Variants in SRPK2 observed in about 807,000 individuals in gnomAD.
SRPK2 encodes SFRS protein kinase 2.
SRPK2 carries 21 observed loss-of-function variants against 90.8 expected under a neutral mutation model. The ratio of observed to expected loss-of-function variants is 0.23; its 90% CI spans 0.16 to 0.33. SRPK2 has a LOEUF of 0.33. Ranked by LOEUF, SRPK2 falls within the 10% of genes least tolerant of loss-of-function variation. The probability of loss-of-function intolerance (pLI) is 1.00; values close to 1 mark genes in which losing one functional copy is unlikely to be tolerated. For missense variants in SRPK2, 620 were observed against 869.0 expected (o/e 0.71, Z 3.60); for synonymous variants, 288 against 311.1 (o/e 0.93, Z 0.78).
chr7:105,373,266 G>GATTTTTCTC (rs1819900327), intron 2 of SRPK2, among the ~76,000 whole-genome samples: 1 of 151,852 alleles, frequency 6.6e-6, no homozygotes, highest in Non-Finnish European at 1.5e-5. Context: ...AATGATATCT[G>GATTTTTCTC]AAGGCCATCA....
At chr7:105,192,535 C>T (rs763613605) in intron 3 of SRPK2, among the ~76,000 whole-genome samples, 3 of 152,230 alleles carry the variant, frequency 2.0e-5, no homozygotes, top group South Asian at 4.1e-4. Flanking sequence ...TTTTATATAA[C>T]GACTTATTTT....
chr7:105,140,012 A>G (rs928853097), intron 11 of SRPK2, among the ~76,000 whole-genome samples: 6 of 152,294 alleles, frequency 3.9e-5, no homozygotes, highest in Admixed American at 2.0e-4. Flanking sequence ...TAACCTACAT[A>G]TATCTTCCTA....
chr7:105,284,228 A>G (rs1246873249), intron 2 of SRPK2, among the ~76,000 whole-genome samples: 1 of 152,212 alleles, frequency 6.6e-6, no homozygotes, highest in Admixed American at 6.5e-5. Flanking sequence ...AGTGGTCATC[A>G]AGGTCATTTG....
intron 2 of SRPK2, among the ~76,000 whole-genome samples, chr7:105,249,866 T>G (rs1802241812): frequency 6.6e-6 from 1 of 152,224 alleles, no homozygotes; most frequent in South Asian, 2.1e-4. Context: ...AAAAAAATAG[T>G]AATTCTCAAA....
intron 2 of SRPK2, among the ~76,000 whole-genome samples, chr7:105,360,115 CCCT>C (rs1818263148): frequency 6.6e-6 from 1 of 152,114 alleles, no homozygotes; most frequent in African/African-American, 2.4e-5. Context: ...TTGAATTGAT[CCCT>C]TTACCATTAT....
intron 2 of SRPK2, among the ~76,000 whole-genome samples, chr7:105,282,568 C>G (rs1469220905): frequency 2.0e-5 from 3 of 152,154 alleles, no homozygotes; most frequent in African/African-American, 7.2e-5. Context: ...ATTGGGAGGC[C>G]AAGGTGGGCG....
intron 2 of SRPK2, among the ~76,000 whole-genome samples, chr7:105,276,479 T>G (rs1051945846): frequency 6.6e-6 from 1 of 151,604 alleles, no homozygotes; most frequent in Admixed American, 6.6e-5. Context: ...GGCTCACACA[T>G]GTAATCCCAA....
chr7:105,172,792 C>T (rs1015544700), intron 3 of SRPK2, among the ~76,000 whole-genome samples: 4 of 152,158 alleles, frequency 2.6e-5, no homozygotes, highest in Non-Finnish European at 5.9e-5. Context: ...CATGGGATGT[C>T]TTAATTAAAA....
chr7:105,203,773 T>G lies in SRPK2; in HGVS notation c.84A>C (p.Gln28His), dbSNP rs942694927. The change falls in exon 3 of 16, where the codon CAA becomes CAC. Residue 28 changes from glutamine (Q) to histidine (H), a missense_variant. Physicochemically the swap from Gln to His is conservative, Grantham distance 24 (BLOSUM62 0). Coordinates refer to ENST00000393651, the MANE Select transcript of SRPK2 (RefSeq NM_182692.3). ...GAGGAGGAACTAAAGGAGCTTTCTG[T>G]TGAGGCTCCGGCCTGAAAGAGCAGA... ...REKHPKKPEPQQKAPLVPPPP... is the reference protein window; with the variant it reads ...REKHPKKPEPHQKAPLVPPPP... The G allele has an allele frequency of 6.3e-7, 1 of 1,589,932 alleles. No individual in the cohort carries two copies. Among genetic ancestry groups the G allele is most frequent in the Admixed American group, 1.8e-5 (1 of 55,550 alleles).
intron 2 of SRPK2, chr7:105,245,047 AC>A: frequency 1.6e-6 from 1 of 636,450 alleles, no homozygotes; most frequent in South Asian, 1.7e-5. Context: ...ACACACACAC[AC>A]ACACACACAC....
chr7:105,142,004 T>C lies in SRPK2; in HGVS notation c.1543+4A>G. 1.3e-6 allele frequency: 2 copies of C among 1,599,976 alleles called. No homozygotes were observed. The highest frequency in any genetic ancestry group is 1.1e-5 in the South Asian group (1 of 89,432). ...GCAGACAGTTGATGGGAAGAAACAC[T>C]TACCTTTTGGCAAATCCCCAGTACT... On this transcript the variant is annotated splice_donor_region_variant and intron_variant, in intron 11 of 15. Coordinates refer to ENST00000393651, the MANE Select transcript of SRPK2 (RefSeq NM_182692.3).
chr7:105,330,517 A>G (rs1814186327), intron 2 of SRPK2, among the ~76,000 whole-genome samples: 2 of 152,154 alleles, frequency 1.3e-5, no homozygotes, highest in African/African-American at 4.8e-5. Context: ...GGGGAAATAA[A>G]CATTCGCCTT....
At chr7:105,150,999 C>T (rs1342660571) in intron 7 of SRPK2, among the ~76,000 whole-genome samples, 2 of 152,078 alleles carry the variant, frequency 1.3e-5, no homozygotes, top group African/African-American at 4.8e-5. Flanking sequence ...AGTTAATGTG[C>T]CTCAGTGTGC....
At chr7:105,229,768 G>A (rs903607554) in intron 2 of SRPK2, among the ~76,000 whole-genome samples, 1 of 144,956 alleles carries the variant, frequency 6.9e-6, no homozygotes, top group Non-Finnish European at 1.5e-5. Flanking sequence ...ATTCTTTCAA[G>A]TAAGAACTTG....
intron 2 of SRPK2, among the ~76,000 whole-genome samples, chr7:105,272,438 CTTTTA>C (rs1445330074): frequency 6.6e-6 from 1 of 151,994 alleles, no homozygotes; most frequent in Non-Finnish European, 1.5e-5. Context: ...ATTATGGTTG[CTTTTA>C]TTTTTAGTCA....
intron 2 of SRPK2, among the ~76,000 whole-genome samples, chr7:105,357,832 C>A (rs2132180284): frequency 6.6e-6 from 1 of 152,160 alleles, no homozygotes; most frequent in East Asian, 1.9e-4. Flanking sequence ...TATCAAATCT[C>A]TGGTAAATAA....
chr7:105,158,841 T>G (rs1332477434), intron 7 of SRPK2, among the ~76,000 whole-genome samples: 1 of 150,862 alleles, frequency 6.6e-6, no homozygotes, highest in Non-Finnish European at 1.5e-5. Flanking sequence ...GACTTTAGAG[T>G]TGCTGCTAAA....
At chr7:105,250,369 T>A (rs1324653249) in intron 2 of SRPK2, among the ~76,000 whole-genome samples, 2 of 148,646 alleles carry the variant, frequency 1.3e-5, no homozygotes, top group Admixed American at 6.7e-5. Context: ...CAAACAAACA[T>A]ACTTTGTACC....
chr7:105,120,866 G>C (rs1463158755), intron 15 of SRPK2, among the ~76,000 whole-genome samples: 2 of 152,178 alleles, frequency 1.3e-5, no homozygotes, highest in East Asian at 1.9e-4. Flanking sequence ...GACACAACAA[G>C]AGTGGGCTCA....
Sources: allele counts gnomAD v4.1 joint callset (sites outside exome capture counted in the v4.1 genomes callset), GRCh38; gene constraint gnomAD v4.1.1; transcripts MANE v1.5; gene names NCBI Gene and HGNC (gene_info 2026-07-23, HGNC 2026-07-21).